The following VMA21 variants were observed in gnomAD, a reference collection of about 807,000 sequenced individuals.
The protein encoded by VMA21 is vacuolar ATPase assembly integral membrane protein VMA21.
For synonymous variants in VMA21, 47 were observed against 34.1 expected, an observed-to-expected ratio of 1.38 and a Z score of -1.32; for missense variants, 61 against 80.6, an observed-to-expected ratio of 0.76 and a Z score of 0.93.
Position 151,405,039 on chromosome X carries a change from G to A in VMA21, c.287G>A (p.Arg96His), listed in dbSNP as rs1337598483. ...TGGAATGAAGGCTCACGACAGTGGC[G>A]TGAAGGCAAACAGGATTAAAGTGAA... ...VAWNEGSRQWREGKQD is the reference protein window; with the variant it reads ...VAWNEGSRQWHEGKQD Residue 96 changes from arginine (R) to histidine (H), a missense_variant, in exon 3 of 3, where the codon CGT becomes CAT. Transcript: ENST00000330374. 2.5e-6 allele frequency: 3 copies of A among 1,208,921 alleles called. No individual in the cohort carries two copies. The highest frequency in any genetic ancestry group is 1.8e-5 in the South Asian group (1 of 56,721).
At chrX:151,400,351 C>T (rs752026930) in intron 1 of VMA21, among the ~76,000 whole-genome samples, 85 of 94,635 alleles carry the variant, frequency 9.0e-4, no homozygotes, top group African/African-American at 3.3e-3. Context: ...CTTAACATGT[C>T]TTCCAGGTCC....
chrX:151,404,301 G>A lies in VMA21; in HGVS notation c.163+561G>A, dbSNP rs369425651. ...TGTTGGCCAGGCTGGTCTCGAACTCGTGACCTCAGGTGATCCACCCGCCTC... is the reference window on the plus strand; with the variant it reads ...TGTTGGCCAGGCTGGTCTCGAACTCATGACCTCAGGTGATCCACCCGCCTC... On this transcript the variant is annotated intron_variant, in intron 2 of 2. Coordinates refer to ENST00000330374, the MANE Select transcript of VMA21 (RefSeq NM_001017980.4). 3.6e-5 allele frequency among the ~76,000 whole-genome samples: 4 copies of A among 112,005 alleles called. No homozygotes were observed. The East Asian group carries it at 8.5e-4, about 24-fold the overall frequency.
At chrX:151,404,544 G>C (rs2011267449) in intron 2 of VMA21, among the ~76,000 whole-genome samples, 1 of 110,865 alleles carries the variant, frequency 9.0e-6, no homozygotes, top group Non-Finnish European at 1.9e-5. Flanking sequence ...TCAGCCTCCC[G>C]AGTAGCTGGG....
chrX:151,406,746 C>T lies in VMA21; in HGVS notation c.*1688C>T, dbSNP rs1325533947. 8.9e-6 allele frequency: 1 copy of T among 111,885 alleles called. No homozygotes were observed. The highest frequency in any genetic ancestry group is 1.9e-5 in the Non-Finnish European group (1 of 53,218). 9.2% of individuals were successfully genotyped at this position (111,885 alleles called of 1,213,427 possible). ...CTCTTAAAATTCAAATTTTCTGTTA[C>T]TGATAATCCTAATACTAGGATTCTT... On this transcript the variant is annotated 3_prime_UTR_variant, in exon 3 of 3. Coordinates refer to ENST00000330374, the MANE Select transcript of VMA21 (RefSeq NM_001017980.4).
chrX:151,397,214 T>C lies in VMA21; in HGVS notation c.-95T>C, dbSNP rs1369967865. The C allele has an allele frequency of 1.5e-5, 15 of 1,009,290 alleles. No individual in the cohort carries two copies. In the East Asian group the frequency reaches 4.6e-4, roughly 31 times the overall value. The allele number at this position is 1,009,290 out of a possible 1,213,427, so 83.2% of individuals were successfully genotyped here. On this transcript the variant is annotated 5_prime_UTR_variant, in exon 1 of 3. Coordinates refer to ENST00000330374, the MANE Select transcript of VMA21 (RefSeq NM_001017980.4). ...TTCCGGCGCGAACCGCTACTTCCGG[T>C]GCGAACCGCCTCGGCCGTTCCCTCG...
rs1449662023 is a variant in VMA21, at chrX:151,405,844, TG to T, written c.*787del. 1.8e-5 allele frequency: 2 copies of T among 112,136 alleles called. No homozygotes were observed. The highest frequency in any genetic ancestry group is 3.8e-5 in the Non-Finnish European group (2 of 53,270). The allele number at this position is 112,136 out of a possible 1,213,427, so 9.2% of individuals were successfully genotyped here. A position where few individuals can be genotyped will look rare whatever the true frequency, so the allele number is the denominator to read the frequency against. On this transcript the variant is annotated 3_prime_UTR_variant, in exon 3 of 3. Coordinates refer to ENST00000330374, the MANE Select transcript of VMA21 (RefSeq NM_001017980.4). ...GGTTCGAGGAAGCTCCATTTAAAAT[TG>T]TTTTTTTTACTATTTTTTAAAATTG... is the stretch of plus-strand genomic sequence containing the variant.
rs910659803 is a variant in VMA21, at chrX:151,407,914, G to A, written c.*2856G>A. On this transcript the variant is annotated 3_prime_UTR_variant, in exon 3 of 3. Transcript: ENST00000330374. ...TTTTTCTTTTTTTTTTTTTCGAGAC[G>A]GAGTTTTGCCCTTCTTGCCCAGGCT... 2.8e-5 allele frequency: 3 copies of A among 106,143 alleles called. No homozygotes were observed. The highest frequency in any genetic ancestry group is 3.9e-5 in the Non-Finnish European group (2 of 51,814). 8.7% of individuals were successfully genotyped at this position (106,143 alleles called of 1,213,427 possible).
rs1237833096 is a variant in VMA21, at chrX:151,397,219, A to G, written c.-90A>G. On this transcript the variant is annotated 5_prime_UTR_variant, in exon 1 of 3. Transcript: ENST00000330374. ...GCGCGAACCGCTACTTCCGGTGCGA[A>G]CCGCCTCGGCCGTTCCCTCGCGGAG... is the stretch of plus-strand genomic sequence containing the variant. 2.9e-6 allele frequency: 3 copies of G among 1,038,012 alleles called. No individual in the cohort carries two copies. Among genetic ancestry groups the G allele is most frequent in the East Asian group, 3.5e-5 (1 of 28,384 alleles). 85.5% of individuals were successfully genotyped at this position (1,038,012 alleles called of 1,213,427 possible). A position where few individuals can be genotyped will look rare whatever the true frequency, so the allele number is the denominator to read the frequency against.
intron 2 of VMA21, 83 bp from the exon 3 acceptor site, chrX:151,404,833 A>T: frequency 1.8e-6 from 2 of 1,108,623 alleles, no homozygotes; most frequent in Middle Eastern, 2.5e-4. Flanking sequence ...AATACATCAT[A>T]AAAATTAGGA....
Position 151,406,903 on chromosome X carries a change from G to A in VMA21, c.*1845G>A, listed in dbSNP as rs1338492520. On this transcript the variant is annotated 3_prime_UTR_variant, in exon 3 of 3. Coordinates refer to ENST00000330374, the MANE Select transcript of VMA21 (RefSeq NM_001017980.4). The stretch of plus-strand genomic sequence containing the variant: ...CATTTGTGTTTAACTGTTGAGAAAA[G>A]TGAAAGATCAGTATGATTATTATGG... 8.9e-6 allele frequency: 1 copy of A among 112,111 alleles called. No homozygotes were observed. The highest frequency in any genetic ancestry group is 1.9e-5 in the Non-Finnish European group (1 of 53,285). 9.2% of individuals were successfully genotyped at this position (112,111 alleles called of 1,213,427 possible).
Position 151,405,269 on chromosome X carries a change from AAGTT to A in VMA21, c.*217_*220del. 1 of 347,903 alleles carries A rather than the reference AAGTT, an allele frequency of 2.9e-6. No homozygotes were observed. Among genetic ancestry groups the A allele is most frequent in the Non-Finnish European group, 4.6e-6 (1 of 217,234 alleles). The allele number at this position is 347,903 out of a possible 1,213,427, so 28.7% of individuals were successfully genotyped here. On this transcript the variant is annotated 3_prime_UTR_variant, in exon 3 of 3. Transcript: ENST00000330374. Reference sequence around the variant, plus strand: ...CTGATTTGCAAATGAGAATTTGGAAAAGTTAGTTACAAAGAAATATGTTAATTTA... The same window carrying A: ...CTGATTTGCAAATGAGAATTTGGAAAAGTTACAAAGAAATATGTTAATTTA...
chrX:151,401,894 G>A lies in VMA21; in HGVS notation c.54-1737G>A, dbSNP rs896666047. ...CTTGAGTAGCTGAGATTACAGGCAC[G>A]TGCCACCATGCCCAGCGAATTATCA... On this transcript the variant is annotated intron_variant, in intron 1 of 2. Coordinates refer to ENST00000330374, the MANE Select transcript of VMA21 (RefSeq NM_001017980.4). Among the ~76,000 whole-genome samples, 16 of 110,499 alleles carry A rather than the reference G, an allele frequency of 1.4e-4. No homozygotes were observed. In the East Asian group the frequency reaches 2.3e-3, roughly 16 times the overall value.
At chrX:151,397,166 G>T (rs184571893), upstream of VMA21, 2,053 of 580,411 alleles carry the variant, frequency 3.5e-3, 24 homozygotes, top group African/African-American at 0.047. Flanking sequence ...GCGCGAACGG[G>T]CACTTCCGGC....
rs2011318967 is a variant in VMA21 at position 151,408,491 on chromosome X, G to T, written c.*3433G>T. 1 of 112,156 alleles carries T rather than the reference G, an allele frequency of 8.9e-6. No individual in the cohort carries two copies. The highest frequency in any genetic ancestry group is 3.2e-5 in the African/African-American group (1 of 30,823). The allele number at this position is 112,156 out of a possible 1,213,427, so 9.2% of individuals were successfully genotyped here. On this transcript the variant is annotated 3_prime_UTR_variant, in exon 3 of 3. Transcript: ENST00000330374. ...GCCCAAGTGAAGTTGTAAACTTATG[G>T]TTCAACTCTGACACAGAATTTGTCA...
chrX:151,403,837 T>C, intron 2 of VMA21, 97 bp downstream of exon 2: 1 of 621,311 alleles, frequency 1.6e-6, no homozygotes, highest in Non-Finnish European at 2.6e-6. Flanking sequence ...ATTCTTATTT[T>C]TTTCTTGTTT....
upstream of VMA21, chrX:151,396,824 C>T (rs1366058541): frequency 2.0e-6 from 1 of 512,310 alleles, no homozygotes; most frequent in Admixed American, 2.8e-5. Context: ...GCTGGTAGTC[C>T]CTCTTCGCGG....
chrX:151,398,230 G>A (rs1443740599), intron 1 of VMA21, among the ~76,000 whole-genome samples: 2 of 102,583 alleles, frequency 1.9e-5, no homozygotes, highest in African/African-American at 7.3e-5. Flanking sequence ...GAGTACATGC[G>A]CAGGTTTGTT....
chrX:151,399,127 G>A lies in VMA21; in HGVS notation c.53+1766G>A, dbSNP rs762776646. 1.2e-4 allele frequency among the ~76,000 whole-genome samples: 14 copies of A among 112,054 alleles called. No homozygotes were observed. In the East Asian group the frequency reaches 4.0e-3, roughly 32 times the overall value. ...TTTCAAAAGTTTGTATGTACACTTTGACTTAATGCTTAGTCCCATATTAGT... is the reference window on the plus strand; with the variant it reads ...TTTCAAAAGTTTGTATGTACACTTTAACTTAATGCTTAGTCCCATATTAGT... On this transcript the variant is annotated intron_variant, in intron 1 of 2. Transcript: ENST00000330374.
chrX:151,403,955 T>G (rs2011259755), intron 2 of VMA21, among the ~76,000 whole-genome samples: 2 of 112,243 alleles, frequency 1.8e-5, no homozygotes. Flanking sequence ...GCAAATCCTT[T>G]CTCTTAGTAC....
Sources: gnomAD v4.1 joint callset for allele counts (sites outside exome capture counted in the v4.1 genomes callset) on GRCh38, gnomAD v4.1.1 for gene constraint, MANE v1.5 for transcripts, NCBI Gene and HGNC (gene_info 2026-07-23, HGNC 2026-07-21) for gene names.